The following SNX13 variants were observed in gnomAD, a reference collection of about 807,000 sequenced individuals.
The protein encoded by SNX13 is sorting nexin-13.
Under a neutral mutation model 133.6 loss-of-function variants are expected in SNX13, and 45 were observed. The observed-to-expected ratio is 0.34, with a 90% CI of 0.27 to 0.43. The LOEUF is 0.43. Ranked by LOEUF, SNX13 falls within the 20% of genes least tolerant of loss-of-function variation. SNX13 has a pLI of 1.00. For missense variants in SNX13, 1,032 were observed against 1,145.1 expected (o/e 0.90, Z 1.43); for synonymous variants, 414 against 373.9 (o/e 1.11, Z -1.24).
At chr7:17,832,183 A>G in intron 15 of SNX13, 2 of 984,322 alleles carry the variant, frequency 2.0e-6, no homozygotes, top group South Asian at 9.4e-5. Context: ...CCAAAAAAAA[A>G]TTTTTTAATG....
chr7:17,933,994 AATAAGTG>A (rs2128051405), intron 1 of SNX13, among the ~76,000 whole-genome samples: 1 of 152,310 alleles, frequency 6.6e-6, no homozygotes, highest in East Asian at 1.9e-4. Flanking sequence ...TCCCATCATA[AATAAGTG>A]ATAAAGTTGA....
chr7:17,868,516 C>A (rs1290104215), intron 8 of SNX13, 26 bp from the exon 9 acceptor site: 32 of 1,505,148 alleles, frequency 2.1e-5, no homozygotes, highest in Admixed American at 3.8e-5. Flanking sequence ...ATAACAAAAA[C>A]AAATTTAATC....
intron 2 of SNX13, among the ~76,000 whole-genome samples, chr7:17,895,149 C>T (rs1797065798): frequency 1.3e-5 from 2 of 152,062 alleles, no homozygotes; most frequent in African/African-American, 4.8e-5. Flanking sequence ...ACTGATAAGA[C>T]ATTAATTTTT....
chr7:17,821,470 A>T, intron 18 of SNX13, 39 bp downstream of exon 18: 1 of 1,528,800 alleles, frequency 6.5e-7, no homozygotes, highest in Non-Finnish European at 8.9e-7. Context: ...TCAAATCAAG[A>T]AACAACATAA....
intron 5 of SNX13, among the ~76,000 whole-genome samples, chr7:17,885,220 G>C (rs1194040746): frequency 1.4e-5 from 2 of 146,742 alleles, no homozygotes; most frequent in Non-Finnish European, 1.5e-5. Context: ...ATAATGTTAA[G>C]TAAAAGAAAC....
intron 1 of SNX13, among the ~76,000 whole-genome samples, chr7:17,934,113 T>G (rs1228001247): frequency 6.6e-6 from 1 of 152,232 alleles, no homozygotes; most frequent in Admixed American, 6.5e-5. Context: ...GCCTATTTAT[T>G]CATTTAATTC....
chr7:17,875,753 G>A lies in SNX13; in HGVS notation c.478C>T (p.Arg160Cys), dbSNP rs1405242407. ...TGTGTGCCAAAGTCATCTACAATGC[G>A]TGTAGTAAAATAAGGTTGCCAGTCT... ...EIDWQPYFTT[R>C]IVDDFGTHLR... Residue 160 changes from arginine to cysteine, a missense_variant, in exon 6 of 26, where the codon CGC becomes TGC. By Grantham distance (180) the Arg-to-Cys change is radical. Coordinates refer to ENST00000428135, the MANE Select transcript of SNX13 (RefSeq NM_015132.5). 12 of 1,609,272 alleles carry A rather than the reference G, an allele frequency of 7.5e-6. No individual in the cohort carries two copies. The highest frequency in any genetic ancestry group is 3.3e-5 in the South Asian group (3 of 90,324).
intron 1 of SNX13, among the ~76,000 whole-genome samples, chr7:17,906,057 T>TG (rs1798364492): frequency 6.6e-6 from 1 of 152,222 alleles, no homozygotes; most frequent in Non-Finnish European, 1.5e-5. Context: ...TACTAGTTTG[T>TG]GTGGGATAAA....
At chr7:17,884,194 G>A (rs1379481496) in intron 5 of SNX13, among the ~76,000 whole-genome samples, 2 of 152,146 alleles carry the variant, frequency 1.3e-5, no homozygotes, top group African/African-American at 4.8e-5. Context: ...TATAAAAATT[G>A]TGACTATGTA....
intron 1 of SNX13, among the ~76,000 whole-genome samples, chr7:17,924,617 T>G (rs948397988): frequency 2.0e-5 from 3 of 152,070 alleles, no homozygotes; most frequent in Non-Finnish European, 2.9e-5. Flanking sequence ...AGGTATAGAC[T>G]CAAAAGAAAT....
chr7:17,887,470 G>T (rs1796132913), intron 5 of SNX13, among the ~76,000 whole-genome samples: 1 of 152,022 alleles, frequency 6.6e-6, no homozygotes, highest in South Asian at 2.1e-4. Context: ...TCCCCAAGCT[G>T]GTACTGGAAT....
chr7:17,839,077 C>T (rs956762726), intron 13 of SNX13, among the ~76,000 whole-genome samples: 1 of 149,388 alleles, frequency 6.7e-6, no homozygotes, highest in African/African-American at 2.4e-5. Context: ...TACATGTATG[C>T]TATAAGTTCT....
intron 20 of SNX13, among the ~76,000 whole-genome samples, chr7:17,808,064 C>A (rs1178066802): frequency 9.2e-5 from 14 of 152,278 alleles, no homozygotes; most frequent in Non-Finnish European, 7.4e-5. Context: ...CAAAGGATCA[C>A]AACTCCTTGC....
intron 16 of SNX13, among the ~76,000 whole-genome samples, chr7:17,827,179 TCATGATAAGAAATTCCAGC>T (rs1219386284): frequency 6.6e-6 from 1 of 152,036 alleles, no homozygotes; most frequent in Non-Finnish European, 1.5e-5. Context: ...TTATAACCTT[TCATGATAAGAAATTCCAGC>T]CATGAGTAAG....
intron 9 of SNX13, among the ~76,000 whole-genome samples, chr7:17,861,773 C>T (rs544020507): frequency 6.6e-6 from 1 of 152,162 alleles, no homozygotes. Context: ...ATGCAAGATG[C>T]CAGAAGTGGA....
chr7:17,899,872 C>T (rs983667232), intron 1 of SNX13: 5 of 152,232 alleles, frequency 3.3e-5, no homozygotes, highest in African/African-American at 9.6e-5. Flanking sequence ...TGGATGTTCA[C>T]TGATGTCTGG....
intron 1 of SNX13, among the ~76,000 whole-genome samples, chr7:17,901,517 T>G (rs1797841306): frequency 6.6e-6 from 1 of 152,174 alleles, no homozygotes; most frequent in South Asian, 2.1e-4. Context: ...TGCCTAGGAC[T>G]GGTCCAAATG....
chr7:17,923,722 T>A (rs1800404103), intron 1 of SNX13, among the ~76,000 whole-genome samples: 1 of 152,100 alleles, frequency 6.6e-6, no homozygotes, highest in Admixed American at 6.6e-5. Context: ...TTGGGAGTCC[T>A]CTTCTTCTCG....
rs146334947 is a variant in SNX13 at position 17,931,940 on chromosome 7, C to G, written c.12+8344G>C. On this transcript the variant is annotated intron_variant, in intron 1 of 25. Transcript: ENST00000428135. The stretch of plus-strand genomic sequence containing the variant: ...CTGTCTCCAACATTGAACAGAGACG[C>G]ATTTTAGTTAAGAGACTGTGGTAGC... Among the ~76,000 whole-genome samples, 8 of 152,292 alleles carry G rather than the reference C, an allele frequency of 5.3e-5. No homozygotes were observed. In the East Asian group the frequency reaches 1.5e-3, roughly 29 times the overall value.
Sources: gnomAD v4.1 joint callset for allele counts (sites outside exome capture counted in the v4.1 genomes callset) on GRCh38, gnomAD v4.1.1 for gene constraint, MANE v1.5 for transcripts, NCBI Gene and HGNC (gene_info 2026-07-23, HGNC 2026-07-21) for gene names.